MAP3K12: variants seen among roughly 807,000 people sequenced by gnomAD.
MAP3K12 encodes mitogen-activated protein kinase kinase kinase 12.
In MAP3K12, 14 loss-of-function variants were observed where a neutral mutation model predicts 87.5. The observed-to-expected ratio is 0.16, with a 90% confidence interval of 0.11 to 0.25. MAP3K12 has a LOEUF of 0.25. Ranked by LOEUF, MAP3K12 falls within the 10% of genes least tolerant of loss-of-function variation. The probability of loss-of-function intolerance (pLI) is 1.00; values close to 1 mark genes in which losing one functional copy is unlikely to be tolerated. For synonymous variants in MAP3K12, 469 were observed against 452.5 expected, an observed-to-expected ratio of 1.04 and a Z score of -0.46; for missense variants, 802 against 1,140.4, an observed-to-expected ratio of 0.70 and a Z score of 4.27.
At position 53,482,605 on chromosome 12, in the gene MAP3K12, G is replaced by T. The variant is rs1466155286; in HGVS notation, c.2198C>A (p.Pro733Gln). ...GGCAGCCCTGTACAGCAGTGCAGCT[G>T]GGGTCAAGTGCTGGGACCCAGCCCG... is the stretch of plus-strand genomic sequence containing the variant. ...GSRAGSQHLT[P>Q]AALLYRAAVT... is the part of the protein sequence containing the mutation. The change falls in exon 11 of 14, where the codon CCA (proline) becomes CAA (glutamine). Residue 733 changes from proline to glutamine, a missense_variant. By Grantham distance (76) the Pro-to-Gln change is moderately conservative. Coordinates refer to ENST00000547488, the MANE Select transcript of MAP3K12 (RefSeq NM_001193511.2). 9.3e-6 allele frequency: 15 copies of T among 1,613,712 alleles called. No homozygotes were observed. Among genetic ancestry groups the T allele is most frequent in the Non-Finnish European group, 1.3e-5 (15 of 1,179,914 alleles).
In MAP3K12 at chr12:53,486,371, C is replaced by T. The variant is rs1943228760; in HGVS notation, c.629+68G>A. 5.1e-6 allele frequency: 8 copies of T among 1,581,254 alleles called. No individual in the cohort carries two copies. In the South Asian group the frequency reaches 9.3e-5, roughly 18 times the overall value. On this transcript the variant is annotated intron_variant, in intron 3 of 13. Coordinates refer to ENST00000547488, the MANE Select transcript of MAP3K12 (RefSeq NM_001193511.2). This position sits in a 1 kb window ranked among gnomAD's most constrained non-coding sequence, Gnocchi z 4.9. ...CTCTGGGGAAGGATGGGGTAGGTCC[C>T]ACTGCCCAGGAGGGTACCAGGCCTT...
chr12:53,485,296 A>T (rs750215332), intron 5 of MAP3K12, 21 bp downstream of exon 5: 1 of 1,608,836 alleles, frequency 6.2e-7, no homozygotes, highest in African/African-American at 1.3e-5. Flanking sequence ...CACTCTTCTC[A>T]GTTTTCAGCC....
chr12:53,492,239 CG>C (rs1297520730), intron 1 of MAP3K12, among the ~76,000 whole-genome samples: 1 of 152,244 alleles, frequency 6.6e-6, no homozygotes, highest in Non-Finnish European at 1.5e-5. Flanking sequence ...CCCCACTATG[CG>C]TCCTCTATCA....
Position 53,486,904 on chromosome 12 carries a change from C to A in MAP3K12, c.445+43G>T. 6.2e-7 allele frequency: 1 copy of A among 1,603,068 alleles called. No homozygotes were observed. Among genetic ancestry groups the A allele is most frequent in the Non-Finnish European group, 8.5e-7 (1 of 1,172,622 alleles). ...GCGGAGCTGACCAACAGATCTCGGG[C>A]TCAGGGAAACAGAGAGGAGGCTCCC... On this transcript the variant is annotated intron_variant, in intron 2 of 13. Transcript: ENST00000547488. This position sits in a 1 kb window ranked among gnomAD's most constrained non-coding sequence, Gnocchi z 4.9.
chr12:53,497,865 T>C lies in MAP3K12; in HGVS notation c.-38+1562A>G, dbSNP rs141234563. On this transcript the variant is annotated intron_variant, in intron 1 of 13. Coordinates refer to ENST00000547488, the MANE Select transcript of MAP3K12 (RefSeq NM_001193511.2). Reference sequence around the variant, plus strand: ...GAGGGAGGACTGTGCATTACGAGAGTCCGGGCTGTGAGTGGTAGAACCAAG... The same window carrying C: ...GAGGGAGGACTGTGCATTACGAGAGCCCGGGCTGTGAGTGGTAGAACCAAG... Among the ~76,000 whole-genome samples, 43 of 152,022 alleles carry C rather than the reference T, an allele frequency of 2.8e-4. No homozygotes were observed. The East Asian group carries it at 4.3e-3, about 15-fold the overall frequency.
Position 53,487,295 on chromosome 12 carries a change from T to C in MAP3K12, c.97A>G (p.Thr33Ala). 1 of 1,613,062 alleles carries C rather than the reference T, an allele frequency of 6.2e-7. No individual in the cohort carries two copies. The highest frequency in any genetic ancestry group is 1.1e-5 in the South Asian group (1 of 91,042). Residue 33 changes from threonine (T) to alanine (A), a missense_variant, in exon 2 of 14, where the codon ACT (threonine) becomes GCT (alanine). Thr to Ala is a moderately conservative substitution (Grantham distance 58). This residue lies in a region of MAP3K12 where 135 missense variants were observed against 151.6 expected (regional missense o/e 0.89). Transcript: ENST00000547488. ...TCCTTCTCGGGAGTGCAGTCAGAAG[T>C]GTCTGGGTCCAGCTTGCGCATGGAT... ...EASMRKLDPDTSDCTPEKDLT... is the reference protein window; with the variant it reads ...EASMRKLDPDASDCTPEKDLT...
chr12:53,498,259 TA>T (rs1943583525), intron 1 of MAP3K12, among the ~76,000 whole-genome samples: 2 of 152,206 alleles, frequency 1.3e-5, no homozygotes, highest in Admixed American at 1.3e-4. Flanking sequence ...CTATCCTTCC[TA>T]AATCCTTTCT....
At chr12:53,488,176 A>C (rs1037304904) in intron 1 of MAP3K12, among the ~76,000 whole-genome samples, 1 of 152,222 alleles carries the variant, frequency 6.6e-6, no homozygotes, top group Non-Finnish European at 1.5e-5. Context: ...GAAGCAGCCA[A>C]TGGGGATGCA....
intron 8 of MAP3K12, 83 bp downstream of exon 8, chr12:53,483,828 C>T: frequency 6.2e-7 from 1 of 1,610,966 alleles, no homozygotes; most frequent in Non-Finnish European, 8.5e-7. Context: ...AGTCCTTCCA[C>T]CCGCCCTGGG....
In MAP3K12 at chr12:53,489,449, A is replaced by G. The variant is rs1943341312; in HGVS notation, c.-37-2021T>C. Among the ~76,000 whole-genome samples the G allele has an allele frequency of 4.6e-5, 7 of 152,366 alleles. No individual in the cohort carries two copies. The South Asian group carries it at 1.4e-3, about 32-fold the overall frequency. ...AATAAACTGGCTGTCACTAAGGCACAGCAAACCCTTAATCCTACACCAGAC... is the reference window on the plus strand; with the variant it reads ...AATAAACTGGCTGTCACTAAGGCACGGCAAACCCTTAATCCTACACCAGAC... On this transcript the variant is annotated intron_variant, in intron 1 of 13. Coordinates refer to ENST00000547488, the MANE Select transcript of MAP3K12 (RefSeq NM_001193511.2).
chr12:53,480,661 ACAGGG>A lies in MAP3K12; in HGVS notation c.*516_*520del, dbSNP rs1351978146. On this transcript the variant is annotated 3_prime_UTR_variant, in exon 14 of 14. Transcript: ENST00000547488. ...TCCTAACCTCCCCCTGGGCCTTAAG[ACAGGG>A]CTTGGGCAGAGAAGATAAATGGTGG... The A allele has an allele frequency of 6.6e-6, 1 of 152,544 alleles. No homozygotes were observed. Among genetic ancestry groups the A allele is most frequent in the Non-Finnish European group, 1.5e-5 (1 of 68,050 alleles). 9.4% of individuals were successfully genotyped at this position (152,544 alleles called of 1,614,324 possible). A position where few individuals can be genotyped will look rare whatever the true frequency, so the allele number is the denominator to read the frequency against.
Position 53,480,469 on chromosome 12 carries a change from T to TCATC in MAP3K12, c.*709_*712dup, listed in dbSNP as rs1942977343. 6.6e-6 allele frequency: 1 copy of TCATC among 152,540 alleles called. No individual in the cohort carries two copies. Among genetic ancestry groups the TCATC allele is most frequent in the Admixed American group, 6.6e-5 (1 of 15,264 alleles). 9.4% of individuals were successfully genotyped at this position (152,540 alleles called of 1,614,324 possible). A position where few individuals can be genotyped will look rare whatever the true frequency, so the allele number is the denominator to read the frequency against. The stretch of plus-strand genomic sequence containing the variant: ...TAACCATGTATGGTACCCCATTCAT[T>TCATC]CATCAAGAAAACCCTCAACAGCTGG... On this transcript the variant is annotated 3_prime_UTR_variant, in exon 14 of 14. Transcript: ENST00000547488.
Position 53,482,963 on chromosome 12 carries a change from C to G in MAP3K12, c.1840G>C (p.Gly614Arg). The G allele has an allele frequency of 6.3e-7, 1 of 1,594,718 alleles. No homozygotes were observed. Among genetic ancestry groups the G allele is most frequent in the East Asian group, 2.2e-5 (1 of 44,762 alleles). The change falls in exon 11 of 14, where the codon GGA becomes CGA. Residue 614 changes from glycine (G) to arginine (R), a missense_variant. This residue lies in a region of MAP3K12 where 490 missense variants were observed against 496.6 expected (regional missense o/e 0.99). Coordinates refer to ENST00000547488, the MANE Select transcript of MAP3K12 (RefSeq NM_001193511.2). ...PGGPGSPGGL[G>R]GGPSAWEACP... Reference sequence around the variant, plus strand: ...GCCTCCCAGGCTGAGGGTCCCCCTCCTAGGCCCCCTGGGCTTCCTGGTCCT... The same window carrying G: ...GCCTCCCAGGCTGAGGGTCCCCCTCGTAGGCCCCCTGGGCTTCCTGGTCCT...
Position 53,482,037 on chromosome 12 carries a change from G to T in MAP3K12, c.2484C>A (p.Gly828=), listed in dbSNP as rs374009123. 2 of 1,614,102 alleles carry T rather than the reference G, an allele frequency of 1.2e-6. No individual in the cohort carries two copies. The highest frequency in any genetic ancestry group is 1.3e-5 in the African/African-American group (1 of 74,932). ...GAGGTGGGTCCAGTGGGATTTCTGA[G>T]CCCTGGGAGCACATGTCATCAGACC... The part of the protein sequence containing the change: ...DERSDDMCSQ[G]SEIPLDPPPS... Residue 828 remains glycine, a synonymous_variant, in exon 13 of 14, where the codon GGC becomes GGA. Transcript: ENST00000547488.
At chr12:53,483,511 C>G (rs774210304) in intron 9 of MAP3K12, 25 bp from the exon 10 acceptor site, 1 of 1,613,934 alleles carries the variant, frequency 6.2e-7, no homozygotes, top group East Asian at 2.2e-5. Flanking sequence ...ACCTTCTCAG[C>G]TGGGCAAATG....
chr12:53,501,532 C>A (rs1344125015), upstream of MAP3K12: 3 of 1,546,314 alleles, frequency 1.9e-6, no homozygotes, highest in South Asian at 1.2e-5. Flanking sequence ...GCGGCGCGGC[C>A]CCAGCATGCA....
In MAP3K12 at chr12:53,479,672, T is replaced by TTTTTTTTTTTTTTG; in HGVS notation, c.*1509_*1510insCAAAAAAAAAAAAA. On this transcript the variant is annotated 3_prime_UTR_variant, in exon 14 of 14. Coordinates refer to ENST00000547488, the MANE Select transcript of MAP3K12 (RefSeq NM_001193511.2). ...TTTAGTTTTATAAGCTTCTCCCTGGTTTTTTTTTTTTGGCTCATGAATTTT... is the reference window on the plus strand; with the variant it reads ...TTTAGTTTTATAAGCTTCTCCCTGGTTTTTTTTTTTTTTGTTTTTTTTTTTGGCTCATGAATTTT... The TTTTTTTTTTTTTTG allele has an allele frequency of 7.0e-6, 2 of 286,806 alleles. No individual in the cohort carries two copies. The allele number at this position is 286,806 out of a possible 1,614,324, so 17.8% of individuals were successfully genotyped here.
In MAP3K12 at chr12:53,482,984, G is replaced by A. The variant is rs1289524595; in HGVS notation, c.1819C>T (p.Pro607Ser). ...TAVPPHEPGG[P>S]GSPGGLGGGP... is the part of the protein sequence containing the mutation. ...CCTCCTAGGCCCCCTGGGCTTCCTGGTCCTCCAGGTTCATGGGGTGGCACA... is the reference window on the plus strand; with the variant it reads ...CCTCCTAGGCCCCCTGGGCTTCCTGATCCTCCAGGTTCATGGGGTGGCACA... Residue 607 changes from proline (P) to serine (S), a missense_variant, in exon 11 of 14, where the codon CCA becomes TCA. Physicochemically the swap from Pro to Ser is moderately conservative, Grantham distance 74 (BLOSUM62 -1). This residue lies in a region of MAP3K12 where 490 missense variants were observed against 496.6 expected (regional missense o/e 0.99). Transcript: ENST00000547488. The A allele has an allele frequency of 6.3e-7, 1 of 1,577,606 alleles. No homozygotes were observed. The highest frequency in any genetic ancestry group is 1.4e-5 in the African/African-American group (1 of 73,770).
At position 53,483,720 on chromosome 12, in the gene MAP3K12, G is replaced by A. The variant is rs148429135; in HGVS notation, c.1362C>T (p.His454=). 9 of 1,613,724 alleles carry A rather than the reference G, an allele frequency of 5.6e-6. No individual in the cohort carries two copies. The highest frequency in any genetic ancestry group is 3.3e-5 in the South Asian group (3 of 91,078). Reference sequence around the variant, plus strand: ...CATAGTGCTCCCTGATGTCCAGGGCGTGTCTGCAACGGGCAGAAAGGTTCC... The same window carrying A: ...CATAGTGCTCCCTGATGTCCAGGGCATGTCTGCAACGGGCAGAAAGGTTCC... ...LVMRRREELR[H]ALDIREHYER... is the part of the protein sequence containing the mutation. The change falls in exon 9 of 14, where the codon CAC becomes CAT. Residue 454 remains histidine (H), a synonymous_variant. Coordinates refer to ENST00000547488, the MANE Select transcript of MAP3K12 (RefSeq NM_001193511.2).
Sources: allele counts gnomAD v4.1 joint callset (sites outside exome capture counted in the v4.1 genomes callset), GRCh38; gene constraint gnomAD v4.1.1; regional missense constraint gnomAD v4.1.1; non-coding constraint Gnocchi (gnomAD v3.1); transcripts MANE v1.5; gene names NCBI Gene and HGNC (gene_info 2026-07-23, HGNC 2026-07-21).